ACAT1: variants seen among roughly 807,000 people sequenced by gnomAD.
ACAT1 encodes acetyl-CoA acetyltransferase 1, also known as acetyl-CoA acetyltransferase, mitochondrial.
A neutral mutation model predicts 47.3 loss-of-function variants in ACAT1; 28 were observed. The ratio of observed to expected loss-of-function variants is 0.59; its 90% confidence interval spans 0.44 to 0.81. The LOEUF (loss-of-function observed/expected upper bound fraction) is 0.81. Ranked by LOEUF, ACAT1 falls within the 30% of genes least tolerant of loss-of-function variation. ACAT1 has a pLI of 0.00. For synonymous variants in ACAT1, 181 were observed against 173.6 expected (o/e 1.04, Z -0.34); for missense variants, 469 against 524.3 (o/e 0.89, Z 1.03).
At chr11:108,117,074 A>C (rs1864965312), upstream of ACAT1, among the ~76,000 whole-genome samples, 1 of 152,066 alleles carries the variant, frequency 6.6e-6, no homozygotes, top group Admixed American at 6.5e-5. Context: ...GCAGAGGAAG[A>C]AGTTTGAGGC....
intron 9 of ACAT1, chr11:108,143,749 G>C (rs1402319724): frequency 2.5e-6 from 1 of 398,224 alleles, no homozygotes; most frequent in Non-Finnish European, 4.6e-6. Flanking sequence ...TCTCTAGGTG[G>C]TGCCAATGTT....
intron 5 of ACAT1, chr11:108,136,314 G>GA (rs2077468663): frequency 2.5e-6 from 1 of 397,836 alleles, no homozygotes; most frequent in African/African-American, 2.1e-5. Context: ...GTCTCTGTTG[G>GA]AAAAATGCCT....
chr11:108,144,608 C>A (rs2077664402), intron 10 of ACAT1, among the ~76,000 whole-genome samples: 1 of 151,874 alleles, frequency 6.6e-6, no homozygotes, highest in Non-Finnish European at 1.5e-5. Context: ...TTTGAGAGGG[C>A]CTCACCCTGA....
chr11:108,121,612 T>G lies in ACAT1; in HGVS notation c.6T>G (p.Ala2=). 1.3e-6 allele frequency: 2 copies of G among 1,550,916 alleles called. No individual in the cohort carries two copies. Among genetic ancestry groups the G allele is most frequent in the Non-Finnish European group, 1.7e-6 (2 of 1,147,354 alleles). Reference sequence around the variant, plus strand: ...ATACTCAGCCCTCTGCGACCATGGCTGTGCTGGCGGCACTTCTGCGCAGCG... The same window carrying G: ...ATACTCAGCCCTCTGCGACCATGGCGGTGCTGGCGGCACTTCTGCGCAGCG... M[A]VLAALLRSGA... Residue 2 remains alanine, a synonymous_variant, in exon 1 of 12, where the codon GCT becomes GCG. Coordinates refer to ENST00000265838, the MANE Select transcript of ACAT1 (RefSeq NM_000019.4).
chr11:108,130,564 T>C (rs1160446690), intron 1 of ACAT1, among the ~76,000 whole-genome samples: 1 of 151,726 alleles, frequency 6.6e-6, no homozygotes. Context: ...CAGCTAACTT[T>C]TATATTTCTA....
intron 6 of ACAT1, 160 bp from the exon 7 acceptor site, chr11:108,139,905 C>T (rs976519326): frequency 5.2e-6 from 4 of 764,364 alleles, no homozygotes; most frequent in Non-Finnish European, 6.1e-6. Flanking sequence ...CCTGCCTTGG[C>T]CCCCCAAAGT....
At chr11:108,121,423 G>T, upstream of ACAT1, 1 of 683,420 alleles carries the variant, frequency 1.5e-6, no homozygotes. Flanking sequence ...TCCTGGCCCA[G>T]GCTGCGGTGT....
Position 108,145,012 on chromosome 11 carries a change from A to G in ACAT1, c.1005+965A>G, listed in dbSNP as rs2077675598. ...AGAAAGCTACCCTTAGTCCACTAGTAGAAGAGAGGAAGATGGAGGAAGAGT... is the reference window on the plus strand; with the variant it reads ...AGAAAGCTACCCTTAGTCCACTAGTGGAAGAGAGGAAGATGGAGGAAGAGT... On this transcript the variant is annotated intron_variant, in intron 10 of 11. Transcript: ENST00000265838. 2.6e-5 allele frequency among the ~76,000 whole-genome samples: 4 copies of G among 152,330 alleles called. No individual in the cohort carries two copies. The South Asian group carries it at 6.2e-4, about 24-fold the overall frequency.
chr11:108,147,486 G>C lies in ACAT1; in HGVS notation c.*96G>C. Reference sequence around the variant, plus strand: ...GGGTCAGCTTATATTCAGATAAGCTGTTTCATTTTTTATTATTTTCTATGT... The same window carrying C: ...GGGTCAGCTTATATTCAGATAAGCTCTTTCATTTTTTATTATTTTCTATGT... On this transcript the variant is annotated 3_prime_UTR_variant, in exon 12 of 12. Coordinates refer to ENST00000265838, the MANE Select transcript of ACAT1 (RefSeq NM_000019.4). 1 of 1,453,336 alleles carries C rather than the reference G, an allele frequency of 6.9e-7. No homozygotes were observed. Among genetic ancestry groups the C allele is most frequent in the Non-Finnish European group, 9.5e-7 (1 of 1,058,018 alleles). The allele number at this position is 1,453,336 out of a possible 1,614,324, so 90.0% of individuals were successfully genotyped here. A position where few individuals can be genotyped will look rare whatever the true frequency, so the allele number is the denominator to read the frequency against.
chr11:108,139,906 C>T (rs954464508), intron 6 of ACAT1, 159 bp from the exon 7 acceptor site: 4 of 783,218 alleles, frequency 5.1e-6, no homozygotes, highest in Non-Finnish European at 3.9e-6. Context: ...CTGCCTTGGC[C>T]CCCCAAAGTG....
chr11:108,132,234 T>C lies in ACAT1; in HGVS notation c.120+280T>C, dbSNP rs567550922. 1.2e-4 allele frequency among the ~76,000 whole-genome samples: 19 copies of C among 152,158 alleles called. No individual in the cohort carries two copies. In the East Asian group the frequency reaches 3.3e-3, roughly 26 times the overall value. ...CTTCTTTTACTCACAGGGACTCGCATTGTATTGTGTGTGGTACAAGCAGAG... is the reference window on the plus strand; with the variant it reads ...CTTCTTTTACTCACAGGGACTCGCACTGTATTGTGTGTGGTACAAGCAGAG... On this transcript the variant is annotated intron_variant, in intron 2 of 11. Coordinates refer to ENST00000265838, the MANE Select transcript of ACAT1 (RefSeq NM_000019.4).
chr11:108,120,927 G>A (rs544191138), upstream of ACAT1, among the ~76,000 whole-genome samples: 3 of 152,146 alleles, frequency 2.0e-5, no homozygotes, highest in African/African-American at 4.8e-5. Flanking sequence ...TTTGCTGGGC[G>A]TGGTCGCCTG....
chr11:108,141,114 G>A (rs886620523), intron 7 of ACAT1, among the ~76,000 whole-genome samples: 60 of 152,140 alleles, frequency 3.9e-4, no homozygotes, highest in African/African-American at 1.0e-3. Flanking sequence ...TGTAGTCCCA[G>A]CTACTAGGGA....
chr11:108,139,786 G>A (rs1014369640), intron 6 of ACAT1, among the ~76,000 whole-genome samples: 10 of 151,806 alleles, frequency 6.6e-5, no homozygotes, highest in Non-Finnish European at 1.2e-4. Context: ...TCAGGCTCCC[G>A]AGTAGCTGGG....
At chr11:108,116,932 C>A (rs1052298939), upstream of ACAT1, among the ~76,000 whole-genome samples, 7 of 152,122 alleles carry the variant, frequency 4.6e-5, no homozygotes, top group African/African-American at 1.7e-4. Flanking sequence ...TTGTTTTAAG[C>A]CACCCAGTTG....
At chr11:108,121,274 A>G, upstream of ACAT1, 1 of 460,128 alleles carries the variant, frequency 2.2e-6, no homozygotes, top group Middle Eastern at 6.4e-4. Context: ...CATGCTCAGT[A>G]AATCGAAAAA....
chr11:108,139,947 G>A (rs1245828918), intron 6 of ACAT1, 118 bp from the exon 7 acceptor site: 17 of 1,302,024 alleles, frequency 1.3e-5, no homozygotes, highest in South Asian at 5.5e-5. Context: ...CACCACCTCC[G>A]GCCTAAGAAA....
Position 108,142,437 on chromosome 11 carries a change from G to A in ACAT1, c.827G>A (p.Gly276Asp). The part of the protein sequence containing the change: ...KLKTVFQKEN[G>D]TVTAANASTL... ...ACTTCAACCTCATTTTTGCTTTCAG[G>A]CACAGTAACAGCTGCCAATGCCAGT... Residue 276 changes from glycine (G) to aspartate (D), a missense_variant and splice_region_variant, in exon 9 of 12, where the codon GGC (glycine) becomes GAC (aspartate). Transcript: ENST00000265838. 1.9e-6 allele frequency: 3 copies of A among 1,613,496 alleles called. No homozygotes were observed. Among genetic ancestry groups the A allele is most frequent in the Non-Finnish European group, 2.5e-6 (3 of 1,179,552 alleles).
chr11:108,146,603 T>G (rs984615902), intron 11 of ACAT1, among the ~76,000 whole-genome samples: 2 of 152,156 alleles, frequency 1.3e-5, no homozygotes, highest in Non-Finnish European at 2.9e-5. Context: ...TTTTACCCCC[T>G]TTTTCTCCTT....
Sources: gnomAD v4.1 joint callset for allele counts (sites outside exome capture counted in the v4.1 genomes callset) on GRCh38, gnomAD v4.1.1 for gene constraint, MANE v1.5 for transcripts, NCBI Gene and HGNC (gene_info 2026-07-23, HGNC 2026-07-21) for gene names.